The following SNRPA1 variants were observed in gnomAD, a reference collection of about 807,000 sequenced individuals.
SNRPA1 encodes U2 small nuclear ribonucleoprotein A'.
In SNRPA1, 5 loss-of-function variants were observed where a neutral mutation model predicts 32.3. That is an observed-to-expected ratio of 0.15 (90% confidence interval 0.08 to 0.33). SNRPA1 has a LOEUF of 0.33. Among genes scored for constraint, SNRPA1 ranks in the 10% least tolerant of loss-of-function variants. The pLI is 1.00. For missense variants in SNRPA1, 198 were observed against 311.1 expected (o/e 0.64, Z 2.74); for synonymous variants, 111 against 120.1 (o/e 0.92, Z 0.50).
In SNRPA1 at chr15:101,281,540, A is replaced by G; in HGVS notation, c.*184T>C. The stretch of plus-strand genomic sequence containing the variant: ...AGCATAGTGAGTGGAGTTTATTTTT[A>G]TAATTTGTAGAAAATTGACATTTAG... On this transcript the variant is annotated 3_prime_UTR_variant, in exon 9 of 9. Transcript: ENST00000254193. 1.7e-6 allele frequency: 1 copy of G among 574,846 alleles called. No individual in the cohort carries two copies. Among genetic ancestry groups the G allele is most frequent in the Non-Finnish European group, 3.2e-6 (1 of 316,350 alleles). 35.6% of individuals were successfully genotyped at this position (574,846 alleles called of 1,614,324 possible).
intron 1 of SNRPA1, among the ~76,000 whole-genome samples, chr15:101,294,170 C>T (rs1372548813): frequency 6.6e-6 from 1 of 152,198 alleles, no homozygotes; most frequent in African/African-American, 2.4e-5. Flanking sequence ...GGGGAGGCGG[C>T]GGTTGCAGTG....
intron 7 of SNRPA1, 148 bp downstream of exon 7, chr15:101,285,578 C>A: frequency 1.6e-6 from 1 of 606,114 alleles, no homozygotes; most frequent in Non-Finnish European, 3.0e-6. Flanking sequence ...TAACTTTATG[C>A]TAGTTTTTCC....
At chr15:101,286,478 A>C (rs2039455873) in intron 5 of SNRPA1, 185 bp from the exon 6 acceptor site, 1 of 533,690 alleles carries the variant, frequency 1.9e-6, no homozygotes, top group Non-Finnish European at 3.3e-6. Context: ...CCCTGAAGAA[A>C]GTTCATTCTC....
At chr15:101,292,942 AGTAGCAC>A in intron 2 of SNRPA1, 76 bp downstream of exon 2, 2 of 811,860 alleles carry the variant, frequency 2.5e-6, no homozygotes, top group Non-Finnish European at 3.7e-6. Flanking sequence ...AGGTTTAACC[AGTAGCAC>A]GTGCTACAAC....
At chr15:101,286,053 G>C (rs2039451069) in intron 6 of SNRPA1, 161 bp downstream of exon 6, 1 of 663,444 alleles carries the variant, frequency 1.5e-6, no homozygotes, top group Non-Finnish European at 2.6e-6. Context: ...AATTTCTTGT[G>C]ATGTGTGGAC....
chr15:101,289,164 CA>C (rs1045253649), intron 3 of SNRPA1, among the ~76,000 whole-genome samples: 14 of 152,124 alleles, frequency 9.2e-5, no homozygotes, highest in African/African-American at 3.4e-4. Flanking sequence ...GAATAAAGAA[CA>C]AAGTGGTAAC....
chr15:101,294,707 A>C, intron 1 of SNRPA1: 1 of 221,060 alleles, frequency 4.5e-6, no homozygotes, highest in Non-Finnish European at 8.8e-6. Flanking sequence ...CGCTCAAAAT[A>C]TCATCTGGCG....
At chr15:101,289,014 A>G (rs2039489220) in intron 3 of SNRPA1, among the ~76,000 whole-genome samples, 2 of 152,240 alleles carry the variant, frequency 1.3e-5, no homozygotes, top group African/African-American at 4.8e-5. Context: ...ATGAGAAAAA[A>G]AAGTACAGAT....
intron 8 of SNRPA1, among the ~76,000 whole-genome samples, chr15:101,283,497 C>T (rs2039419948): frequency 6.6e-6 from 1 of 152,028 alleles, no homozygotes; most frequent in Non-Finnish European, 1.5e-5. Flanking sequence ...ACCCAGGAGG[C>T]GGAGCTTGCA....
chr15:101,287,066 G>A (rs1456904926), intron 4 of SNRPA1, 56 bp from the exon 5 acceptor site: 2 of 898,638 alleles, frequency 2.2e-6, no homozygotes, highest in Non-Finnish European at 3.7e-6. Context: ...GCACTCAAGA[G>A]GTCTGTTTGA....
At chr15:101,286,100 T>C (rs1167940393) in intron 6 of SNRPA1, 114 bp downstream of exon 6, 9 of 836,810 alleles carry the variant, frequency 1.1e-5, no homozygotes, top group Non-Finnish European at 1.7e-5. Flanking sequence ...TCAAATTTAA[T>C]ACCACATTAA....
chr15:101,292,917 G>T, intron 2 of SNRPA1, 108 bp downstream of exon 2: 7 of 602,094 alleles, frequency 1.2e-5, no homozygotes, highest in Non-Finnish European at 1.8e-5. Flanking sequence ...AAAAGAAAAA[G>T]AAAAAGAAAC....
chr15:101,287,147 A>G (rs767731440), intron 4 of SNRPA1, 137 bp from the exon 5 acceptor site: 41 of 519,172 alleles, frequency 7.9e-5, no homozygotes, highest in Non-Finnish European at 1.3e-4. Context: ...ACAATTTAAC[A>G]TTAAGGAAAT....
Position 101,293,175 on chromosome 15 carries a change from A to G in SNRPA1, c.83-3T>C. 1 of 1,595,272 alleles carries G rather than the reference A, an allele frequency of 6.3e-7. No individual in the cohort carries two copies. The highest frequency in any genetic ancestry group is 8.6e-7 in the Non-Finnish European group (1 of 1,169,382). ...TTCAATGACGGGAATTTTATACCCT[A>G]TAAAATGGAGGAAAAAAACACAAGA... On this transcript the variant is annotated splice_polypyrimidine_tract_variant and splice_region_variant and intron_variant, in intron 1 of 8. Transcript: ENST00000254193.
At position 101,284,089 on chromosome 15, in the gene SNRPA1, A is replaced by G. The variant is rs905079653; in HGVS notation, c.709+878T>C. Among the ~76,000 whole-genome samples, 6 of 152,240 alleles carry G rather than the reference A, an allele frequency of 3.9e-5. No homozygotes were observed. The South Asian group carries it at 1.0e-3, about 26-fold the overall frequency. On this transcript the variant is annotated intron_variant, in intron 8 of 8. Transcript: ENST00000254193. ...GACGTATTTCAGTACTTTTTATCTT[A>G]TATCCCTAGTGCCCCACATGCAGCC...
At position 101,295,174 on chromosome 15, in the gene SNRPA1, A is replaced by T; in HGVS notation, c.5T>A (p.Val2Asp). Residue 2 changes from valine (V) to aspartate (D), a missense_variant, in exon 1 of 9, where the codon GTC becomes GAC. By Grantham distance (152) the Val-to-Asp change is radical (BLOSUM62 -3). Coordinates refer to ENST00000254193, the MANE Select transcript of SNRPA1 (RefSeq NM_003090.4). ...CTCGATCAGCTCCGCCGTCAGCTTGACCATCCTGCAGCCTCCCGTTCCCCC... is the reference window on the plus strand; with the variant it reads ...CTCGATCAGCTCCGCCGTCAGCTTGTCCATCCTGCAGCCTCCCGTTCCCCC... M[V>D]KLTAELIEQA... 1.9e-6 allele frequency: 3 copies of T among 1,550,738 alleles called. No homozygotes were observed. The highest frequency in any genetic ancestry group is 2.6e-6 in the Non-Finnish European group (3 of 1,152,812).
rs1236274303 is a variant in SNRPA1 at position 101,286,301 on chromosome 15, G to A, written c.460-8C>T. On this transcript the variant is annotated splice_region_variant and splice_polypyrimidine_tract_variant and intron_variant, in intron 5 of 8. Coordinates refer to ENST00000254193, the MANE Select transcript of SNRPA1 (RefSeq NM_003090.4). The stretch of plus-strand genomic sequence containing the variant: ...CTCTGCTTCCTGACGCTCCTACAGC[G>A]ACACCACACACAGAGTTAATGGAAA... 10 of 1,612,852 alleles carry A rather than the reference G, an allele frequency of 6.2e-6. No homozygotes were observed. The highest frequency in any genetic ancestry group is 5.5e-5 in the South Asian group (5 of 91,024).
At chr15:101,292,590 TAAA>T (rs10581943) in intron 2 of SNRPA1, among the ~76,000 whole-genome samples, 38,761 of 146,366 alleles carry the variant, frequency 0.26, 5,477 homozygotes, top group Middle Eastern at 0.34. Context: ...TAGTTGCAGT[TAAA>T]AAAAAAAAAA....
At chr15:101,286,731 A>C in intron 5 of SNRPA1, 177 bp downstream of exon 5, 1 of 537,948 alleles carries the variant, frequency 1.9e-6, no homozygotes, top group Non-Finnish European at 3.3e-6. Context: ...CCAACTTAAA[A>C]GTTCTATCAT....
Sources: gnomAD v4.1 joint callset for allele counts (sites outside exome capture counted in the v4.1 genomes callset) on GRCh38, gnomAD v4.1.1 for gene constraint, MANE v1.5 for transcripts, NCBI Gene and HGNC (gene_info 2026-07-23, HGNC 2026-07-21) for gene names.